The following CACUL1 variants were observed in gnomAD, a reference collection of about 807,000 sequenced individuals.
The protein encoded by CACUL1 is CDK2-associated and cullin domain-containing protein 1.
In CACUL1, 13 loss-of-function variants were observed where a neutral mutation model predicts 45.2. The observed-to-expected ratio is 0.29, with a 90% CI of 0.19 to 0.46. The LOEUF (loss-of-function observed/expected upper bound fraction) is 0.46, where lower values mean the gene tolerates loss of function less well. CACUL1 is among the 20% of genes least tolerant of loss of function. The pLI is 1.00. For missense variants in CACUL1, 421 were observed against 471.4 expected (o/e 0.89, Z 0.99); for synonymous variants, 197 against 174.2 (o/e 1.13, Z -1.03).
chr10:118,697,145 G>T (rs1185707014), intron 5 of CACUL1, among the ~76,000 whole-genome samples: 1 of 152,168 alleles, frequency 6.6e-6, no homozygotes, highest in East Asian at 1.9e-4. Flanking sequence ...GAGTTTGGGG[G>T]TGGTAACTTG....
At chr10:118,698,969 G>A (rs777961780) in intron 5 of CACUL1, among the ~76,000 whole-genome samples, 1 of 152,150 alleles carries the variant, frequency 6.6e-6, no homozygotes, top group African/African-American at 2.4e-5. Context: ...AAGTAGAAAC[G>A]ACATTAATAG....
At chr10:118,728,336 A>ACG (rs1845670130) in intron 3 of CACUL1, among the ~76,000 whole-genome samples, 1 of 138,466 alleles carries the variant, frequency 7.2e-6, no homozygotes, top group African/African-American at 2.7e-5. Context: ...TTTTTTTGAG[A>ACG]CGGAGTCTTG....
intron 1 of CACUL1, among the ~76,000 whole-genome samples, chr10:118,738,892 T>TAAAAAAAAAAAAAAAAAA (rs150393133): frequency 9.6e-5 from 6 of 62,258 alleles, no homozygotes; most frequent in African/African-American, 3.7e-4. Context: ...CAAGTGCTCT[T>TAAAAAAAAAAAAAAAAAA]AAAAAAAAAA....
chr10:118,713,982 T>C (rs542215009), intron 3 of CACUL1, among the ~76,000 whole-genome samples: 1 of 152,230 alleles, frequency 6.6e-6, no homozygotes, highest in Non-Finnish European at 1.5e-5. Context: ...CTAAAAATAC[T>C]TATTAATTCA....
chr10:118,741,695 T>C (rs1169267643), intron 1 of CACUL1, among the ~76,000 whole-genome samples: 1 of 152,144 alleles, frequency 6.6e-6, no homozygotes, highest in Non-Finnish European at 1.5e-5. Context: ...TTACAGAAAT[T>C]GTAACACCCT....
chr10:118,689,784 T>C lies in CACUL1; in HGVS notation c.1025+1481A>G, dbSNP rs184876180. Among the ~76,000 whole-genome samples, 47 of 152,360 alleles carry C rather than the reference T, an allele frequency of 3.1e-4. 1 individual carries two copies. The East Asian group carries it at 8.1e-3, about 26-fold the overall frequency. ...GGCACGTTTAAGCAATTCCATGCAT[T>C]GCTCTGGAAGGCAAACTCAATATGC... On this transcript the variant is annotated intron_variant, in intron 7 of 8. Coordinates refer to ENST00000369151, the MANE Select transcript of CACUL1 (RefSeq NM_153810.5).
Position 118,686,497 on chromosome 10 carries a change from A to G in CACUL1, c.1069+101T>C, listed in dbSNP as rs1401797535. 1.1e-5 allele frequency: 10 copies of G among 949,666 alleles called. No individual in the cohort carries two copies. The South Asian group carries it at 1.2e-4, about 11-fold the overall frequency. 58.8% of individuals were successfully genotyped at this position (949,666 alleles called of 1,614,324 possible). On this transcript the variant is annotated intron_variant, in intron 8 of 8. Transcript: ENST00000369151. Reference sequence around the variant, plus strand: ...TTACAAGCAGTGCCTTATGAGAACAACATGGGTATCATCAAATTCAATGCA... The same window carrying G: ...TTACAAGCAGTGCCTTATGAGAACAGCATGGGTATCATCAAATTCAATGCA...
chr10:118,737,196 G>A (rs999518444), intron 1 of CACUL1, among the ~76,000 whole-genome samples: 1 of 151,746 alleles, frequency 6.6e-6, no homozygotes, highest in Non-Finnish European at 1.5e-5. Flanking sequence ...CAGTACAAGA[G>A]GGCAGCAATT....
intron 3 of CACUL1, among the ~76,000 whole-genome samples, chr10:118,722,988 A>G (rs1845615373): frequency 6.6e-6 from 1 of 152,222 alleles, no homozygotes; most frequent in Non-Finnish European, 1.5e-5. Context: ...AAAAGTAGGT[A>G]TGAGTGCAGA....
chr10:118,697,835 T>C (rs1327601298), intron 5 of CACUL1, among the ~76,000 whole-genome samples: 1 of 152,230 alleles, frequency 6.6e-6, no homozygotes, highest in Non-Finnish European at 1.5e-5. Context: ...TACACATTTG[T>C]TACATTTGCT....
rs1391852950 is a variant in CACUL1, at chr10:118,743,384, CG to C, written c.367+11011del. 2.6e-5 allele frequency among the ~76,000 whole-genome samples: 4 copies of C among 151,640 alleles called. No individual in the cohort carries two copies. In the East Asian group the frequency reaches 7.7e-4, roughly 29 times the overall value. Reference sequence around the variant, plus strand: ...CACTAAAAAAGAACATAAAAAATTGCGGAAAACTTAAGTAAAAATTTTAAAA... The same window carrying C: ...CACTAAAAAAGAACATAAAAAATTGCGAAAACTTAAGTAAAAATTTTAAAA... On this transcript the variant is annotated intron_variant, in intron 1 of 8. Coordinates refer to ENST00000369151, the MANE Select transcript of CACUL1 (RefSeq NM_153810.5).
intron 5 of CACUL1, among the ~76,000 whole-genome samples, chr10:118,700,547 C>G (rs1413508869): frequency 6.6e-6 from 1 of 152,010 alleles, no homozygotes; most frequent in Non-Finnish European, 1.5e-5. Context: ...GAAACCCCAT[C>G]TCTACTAAAA....
At chr10:118,696,709 C>T (rs377086492) in intron 5 of CACUL1, among the ~76,000 whole-genome samples, 1 of 152,236 alleles carries the variant, frequency 6.6e-6, no homozygotes, top group Non-Finnish European at 1.5e-5. Context: ...GCATGCGGCC[C>T]GCAGGCCATG....
intron 5 of CACUL1, among the ~76,000 whole-genome samples, chr10:118,698,726 A>T (rs1186532225): frequency 6.6e-6 from 1 of 152,174 alleles, no homozygotes; most frequent in African/African-American, 2.4e-5. Flanking sequence ...GAACAGAGAT[A>T]AGCTACCCCA....
chr10:118,721,995 T>C (rs919623075), intron 3 of CACUL1, among the ~76,000 whole-genome samples: 5 of 152,260 alleles, frequency 3.3e-5, no homozygotes, highest in Non-Finnish European at 7.4e-5. Context: ...TCCATGATAG[T>C]AGTCCCCCAC....
intron 3 of CACUL1, among the ~76,000 whole-genome samples, chr10:118,718,700 A>G (rs1845570634): frequency 6.6e-6 from 1 of 152,086 alleles, no homozygotes; most frequent in South Asian, 2.1e-4. Flanking sequence ...CTCAGCCCCA[A>G]GTACCTGGGC....
At chr10:118,708,088 C>T (rs533900379) in intron 3 of CACUL1, among the ~76,000 whole-genome samples, 2 of 138,344 alleles carry the variant, frequency 1.4e-5, no homozygotes, top group South Asian at 2.2e-4. Context: ...GCAGAGGTTG[C>T]AGTGAGCCGA....
intron 4 of CACUL1, among the ~76,000 whole-genome samples, chr10:118,702,078 G>A (rs1441030556): frequency 2.6e-5 from 4 of 152,124 alleles, no homozygotes; most frequent in African/African-American, 9.7e-5. Flanking sequence ...CTTAACTGAG[G>A]ACATTATCTT....
At chr10:118,747,874 C>T (rs1407852978) in intron 1 of CACUL1, among the ~76,000 whole-genome samples, 1 of 152,106 alleles carries the variant, frequency 6.6e-6, no homozygotes, top group African/African-American at 2.4e-5. Flanking sequence ...CACTTGGGGC[C>T]AGGAATTCAA....
Sources: gnomAD v4.1 joint callset for allele counts (sites outside exome capture counted in the v4.1 genomes callset) on GRCh38, gnomAD v4.1.1 for gene constraint, MANE v1.5 for transcripts, NCBI Gene and HGNC (gene_info 2026-07-23, HGNC 2026-07-21) for gene names.